PCDH15: variants seen among roughly 807,000 people sequenced by gnomAD.
PCDH15 encodes protocadherin-15.
In PCDH15, 129 loss-of-function variants were observed where a neutral mutation model predicts 178.5. The observed-to-expected ratio is 0.72, with a 90% CI of 0.63 to 0.84. The LOEUF (loss-of-function observed/expected upper bound fraction) is 0.84. PCDH15 is among the 40% of genes least tolerant of loss of function. The pLI is 0.00. For missense variants in PCDH15, 2,230 were observed against 2,099.9 expected, an observed-to-expected ratio of 1.06 and a Z score of -1.21; for synonymous variants, 800 against 732.0, an observed-to-expected ratio of 1.09 and a Z score of -1.50.
At chr10:55,276,501 A>C (rs988032582) in intron 1 of PCDH15, among the ~76,000 whole-genome samples, 1 of 151,222 alleles carries the variant, frequency 6.6e-6, no homozygotes, top group South Asian at 2.1e-4. Context: ...TCCCTTTTTT[A>C]ATGCAATGAA....
intron 27 of PCDH15, 26 bp downstream of exon 27, chr10:53,866,616 C>G: frequency 1.9e-6 from 3 of 1,576,132 alleles, no homozygotes; most frequent in Non-Finnish European, 2.6e-6. Context: ...TAGCTACTTC[C>G]CTTTCCTGAA....
At chr10:55,096,776 C>T (rs1842458503) in intron 2 of PCDH15, among the ~76,000 whole-genome samples, 2 of 152,112 alleles carry the variant, frequency 1.3e-5, no homozygotes, top group Middle Eastern at 3.4e-3. Flanking sequence ...AGCATAACGT[C>T]CTCCAATTAA....
intron 21 of PCDH15, among the ~76,000 whole-genome samples, chr10:53,975,639 G>A (rs377577452): frequency 5.9e-5 from 9 of 151,568 alleles, no homozygotes; most frequent in Admixed American, 2.0e-4. Context: ...TTTGCTTGTC[G>A]AATTAGGTTC....
At chr10:54,118,033 G>C (rs1477394384) in intron 15 of PCDH15, among the ~76,000 whole-genome samples, 1 of 152,132 alleles carries the variant, frequency 6.6e-6, no homozygotes, top group African/African-American at 2.4e-5. Flanking sequence ...CATAGAACTA[G>C]AAAATACTAT....
At chr10:54,112,045 A>AATC (rs1433733704) in intron 15 of PCDH15, among the ~76,000 whole-genome samples, 4 of 151,672 alleles carry the variant, frequency 2.6e-5, no homozygotes, top group Non-Finnish European at 5.9e-5. Flanking sequence ...CGGGAGGCTG[A>AATC]AGCAGGAGAA....
intron 16 of PCDH15, among the ~76,000 whole-genome samples, chr10:54,084,067 T>C (rs1056984414): frequency 2.1e-5 from 3 of 140,434 alleles, no homozygotes; most frequent in Non-Finnish European, 4.6e-5. Context: ...GTCTCTCTCT[T>C]TTTTTTTAAT....
Position 54,515,332 on chromosome 10 carries a change from G to A in PCDH15, c.157+12480C>T, listed in dbSNP as rs181536559. Reference sequence around the variant, plus strand: ...ACGGCACACCAGGAGATTATATCCCGCACATGGCTCGGAGGGTCCTATGCC... The same window carrying A: ...ACGGCACACCAGGAGATTATATCCCACACATGGCTCGGAGGGTCCTATGCC... On this transcript the variant is annotated intron_variant, in intron 3 of 37. Transcript: ENST00000644397. Among the ~76,000 whole-genome samples the A allele has an allele frequency of 2.1e-3, 318 of 152,322 alleles. 1 individual carries two copies. Among genetic ancestry groups the A allele is most frequent in the African/African-American group, 7.0e-3 (292 of 41,594 alleles).
chr10:55,583,233 T>G (rs1443310678), intron 2 of PCDH15, among the ~76,000 whole-genome samples: 1 of 152,146 alleles, frequency 6.6e-6, no homozygotes, highest in Admixed American at 6.6e-5. Context: ...TTAAAACTAA[T>G]CACATGATTA....
At chr10:54,082,066 G>A (rs1285154375) in intron 16 of PCDH15, among the ~76,000 whole-genome samples, 2 of 152,118 alleles carry the variant, frequency 1.3e-5, no homozygotes, top group Non-Finnish European at 2.9e-5. Context: ...GCTCAGAGTG[G>A]CCTTGAAAAC....
chr10:55,590,145 G>A (rs1842812912), intron 2 of PCDH15, among the ~76,000 whole-genome samples: 1 of 151,788 alleles, frequency 6.6e-6, no homozygotes, highest in Non-Finnish European at 1.5e-5. Flanking sequence ...AAAAAAGGAT[G>A]AGTTCATGTC....
At chr10:55,438,887 T>A (rs1839110918) in intron 2 of PCDH15, among the ~76,000 whole-genome samples, 1 of 150,856 alleles carries the variant, frequency 6.6e-6, no homozygotes, top group African/African-American at 2.4e-5. Context: ...ATTATTATTA[T>A]TAATTTTATT....
At chr10:53,920,317 T>C (rs965106366) in intron 25 of PCDH15, among the ~76,000 whole-genome samples, 5 of 152,274 alleles carry the variant, frequency 3.3e-5, no homozygotes, top group East Asian at 1.9e-4. Flanking sequence ...TGTTATGGCA[T>C]ATATTCTATT....
intron 2 of PCDH15, among the ~76,000 whole-genome samples, chr10:55,131,712 G>GTGGCTCCTC (rs111576602): frequency 4.6e-5 from 7 of 151,198 alleles, no homozygotes; most frequent in Non-Finnish European, 1.0e-4. Flanking sequence ...CCAGGAGTGG[G>GTGGCTCCTC]TAGCTCCTCT....
intron 1 of PCDH15, among the ~76,000 whole-genome samples, chr10:55,172,362 T>C (rs1265768943): frequency 6.6e-6 from 1 of 151,974 alleles, no homozygotes; most frequent in Non-Finnish European, 1.5e-5. Context: ...AATAAAGGCA[T>C]GACCTTTGAT....
chr10:53,896,467 A>C (rs529556800), intron 26 of PCDH15, among the ~76,000 whole-genome samples: 11 of 152,308 alleles, frequency 7.2e-5, no homozygotes, highest in Non-Finnish European at 1.5e-4. Context: ...TGCTTTTAAC[A>C]TATTGCTTCA....
chr10:54,966,084 A>T (rs1265882430), intron 2 of PCDH15, among the ~76,000 whole-genome samples: 2 of 151,932 alleles, frequency 1.3e-5, no homozygotes, highest in Non-Finnish European at 2.9e-5. Context: ...AATCATACAG[A>T]ATATTCTATA....
chr10:54,607,988 A>C (rs772198801), intron 2 of PCDH15: 1 of 483,232 alleles, frequency 2.1e-6, no homozygotes, highest in Non-Finnish European at 4.0e-6. Context: ...CTTTGCCTAC[A>C]TCATTTTGGT....
rs752371584 is a variant in PCDH15, at chr10:53,831,390, G to T, written c.4127C>A (p.Ala1376Asp). The T allele has an allele frequency of 9.3e-6, 15 of 1,614,048 alleles. No individual in the cohort carries two copies. The highest frequency in any genetic ancestry group is 4.5e-5 in the East Asian group (2 of 44,858). ...RGESLGYTEG[A>D]LLALAFIIIL... ...GATGATGAAGGCCAGAGCCAACAAG[G>T]CCCCTTCTGTGTATCCTAGACTTTC... is the stretch of plus-strand genomic sequence containing the variant. The change falls in exon 30 of 38, where the codon GCC becomes GAC. Residue 1376 changes from alanine to aspartate, a missense_variant. Physicochemically the swap from Ala to Asp is moderately radical, Grantham distance 126. Coordinates refer to ENST00000644397, the MANE Select transcript of PCDH15 (RefSeq NM_001384140.1).
chr10:55,015,790 C>T (rs1003911666), intron 2 of PCDH15, among the ~76,000 whole-genome samples: 3 of 151,992 alleles, frequency 2.0e-5, no homozygotes, highest in Non-Finnish European at 2.9e-5. Flanking sequence ...TTTTATGTCC[C>T]CTGAACCTAC....
Sources: gnomAD v4.1 joint callset for allele counts (sites outside exome capture counted in the v4.1 genomes callset) on GRCh38, gnomAD v4.1.1 for gene constraint, MANE v1.5 for transcripts, NCBI Gene and HGNC (gene_info 2026-07-23, HGNC 2026-07-21) for gene names.